The following ITGA8 variants were observed in gnomAD, a reference collection of about 807,000 sequenced individuals.
ITGA8 encodes integrin alpha-8.
A neutral mutation model predicts 142.3 loss-of-function variants in ITGA8; 91 were observed. That is an observed-to-expected ratio of 0.64 (90% confidence interval 0.54 to 0.76). ITGA8 has a LOEUF of 0.76. Among genes scored for constraint, ITGA8 ranks in the 30% least tolerant of loss-of-function variants. The probability of loss-of-function intolerance (pLI) is 0.00; values close to 1 mark genes in which losing one functional copy is unlikely to be tolerated. For missense variants in ITGA8, 1,406 were observed against 1,327.7 expected, an observed-to-expected ratio of 1.06 and a Z score of -0.92; for synonymous variants, 505 against 485.2, an observed-to-expected ratio of 1.04 and a Z score of -0.54.
chr10:15,544,651 G>A (rs115654409), intron 27 of ITGA8, among the ~76,000 whole-genome samples: 1 of 152,156 alleles, frequency 6.6e-6, no homozygotes, highest in Non-Finnish European at 1.5e-5. Context: ...GTTGGCTAAC[G>A]ATCTGTGGTA....
At chr10:15,630,822 C>T (rs751579207) in intron 13 of ITGA8, among the ~76,000 whole-genome samples, 1 of 151,926 alleles carries the variant, frequency 6.6e-6, no homozygotes, top group Non-Finnish European at 1.5e-5. Flanking sequence ...TCCTTATATC[C>T]TATTTTTTAA....
intron 23 of ITGA8, among the ~76,000 whole-genome samples, chr10:15,576,228 G>A (rs1403949073): frequency 6.6e-6 from 1 of 152,054 alleles, no homozygotes; most frequent in East Asian, 1.9e-4. Context: ...TTATAGAGTG[G>A]TCTTATAGAT....
intron 17 of ITGA8, 79 bp from the exon 18 acceptor site, chr10:15,606,501 C>G: frequency 7.5e-7 from 1 of 1,334,530 alleles, no homozygotes; most frequent in Non-Finnish European, 1.0e-6. Context: ...TCAGGCAACA[C>G]TGGAATTTAC....
At chr10:15,691,644 A>T (rs1834936061) in intron 2 of ITGA8, among the ~76,000 whole-genome samples, 1 of 152,174 alleles carries the variant, frequency 6.6e-6, no homozygotes, top group African/African-American at 2.4e-5. Context: ...TGTGGAATCT[A>T]AAAAAGTCAG....
chr10:15,683,935 C>G, intron 4 of ITGA8, 69 bp downstream of exon 4: 1 of 1,575,880 alleles, frequency 6.3e-7, no homozygotes, highest in Non-Finnish European at 8.7e-7. Flanking sequence ...TTTGAGCCTA[C>G]CTGCACTCCT....
chr10:15,571,141 G>C (rs1385838833), intron 25 of ITGA8, among the ~76,000 whole-genome samples: 1 of 152,174 alleles, frequency 6.6e-6, no homozygotes, highest in Non-Finnish European at 1.5e-5. Flanking sequence ...CATAAAGGAG[G>C]AGGCTGTTGT....
At chr10:15,523,391 T>C (rs993161423) in intron 28 of ITGA8, among the ~76,000 whole-genome samples, 1 of 152,200 alleles carries the variant, frequency 6.6e-6, no homozygotes, top group Non-Finnish European at 1.5e-5. Flanking sequence ...TTAGGGTCTT[T>C]TGAAGCAGAG....
At chr10:15,535,024 C>T (rs1446175581) in intron 27 of ITGA8, among the ~76,000 whole-genome samples, 2 of 152,148 alleles carry the variant, frequency 1.3e-5, no homozygotes, top group Non-Finnish European at 2.9e-5. Context: ...GCGGTGCTTG[C>T]GGGCCAGTGT....
chr10:15,671,758 C>T, intron 7 of ITGA8, 111 bp from the exon 8 acceptor site: 1 of 724,584 alleles, frequency 1.4e-6, no homozygotes, highest in Non-Finnish European at 2.3e-6. Flanking sequence ...TTAGAAACCT[C>T]TACAAATATT....
intron 13 of ITGA8, among the ~76,000 whole-genome samples, chr10:15,628,458 G>A (rs1175220114): frequency 2.0e-5 from 3 of 146,776 alleles, no homozygotes; most frequent in African/African-American, 7.6e-5. Flanking sequence ...TCAGCCTCCC[G>A]AGTAGCTGGG....
intron 18 of ITGA8, among the ~76,000 whole-genome samples, chr10:15,606,017 T>C (rs1375873481): frequency 6.6e-6 from 1 of 152,204 alleles, no homozygotes; most frequent in Non-Finnish European, 1.5e-5. Flanking sequence ...AGAATGCAAC[T>C]CTGCCTATGG....
intron 18 of ITGA8, 108 bp from the exon 19 acceptor site, chr10:15,605,899 A>G: frequency 1.1e-6 from 1 of 906,614 alleles, no homozygotes. Flanking sequence ...CTTTCCTCTC[A>G]CTATGCATGA....
At chr10:15,674,334 T>A (rs1472562433) in intron 6 of ITGA8, among the ~76,000 whole-genome samples, 2 of 152,210 alleles carry the variant, frequency 1.3e-5, no homozygotes, top group African/African-American at 4.8e-5. Flanking sequence ...TAAACCTGAA[T>A]AAAATTTTAA....
intron 3 of ITGA8, among the ~76,000 whole-genome samples, chr10:15,686,333 A>C (rs751603720): frequency 6.6e-6 from 1 of 152,190 alleles, no homozygotes; most frequent in East Asian, 1.9e-4. Context: ...AGGTTCCCCA[A>C]GTTATCTGGT....
chr10:15,517,228 C>G lies in ITGA8; in HGVS notation c.3122G>C (p.Arg1041Thr). ...LALWKCGFFD[R>T]ARPPQEDMTD... ...CATGTCCTCCTGAGGAGGTCTGGCT[C>G]TGTCAAAGAATCCACACTATAAAGG... Residue 1041 changes from arginine to threonine, a missense_variant, in exon 30 of 30, where the codon AGA becomes ACA. Arg to Thr is a moderately conservative substitution (Grantham distance 71). Transcript: ENST00000378076. 3.1e-6 allele frequency: 5 copies of G among 1,612,762 alleles called. No individual in the cohort carries two copies. The highest frequency in any genetic ancestry group is 4.2e-6 in the Non-Finnish European group (5 of 1,179,220).
intron 27 of ITGA8, among the ~76,000 whole-genome samples, chr10:15,536,223 C>G (rs1011653385): frequency 5.3e-5 from 8 of 151,186 alleles, no homozygotes; most frequent in African/African-American, 1.7e-4. Flanking sequence ...AACACCACCT[C>G]TCCTAGATCA....
chr10:15,641,994 G>T (rs972815916), intron 13 of ITGA8, among the ~76,000 whole-genome samples: 22 of 152,266 alleles, frequency 1.4e-4, no homozygotes, highest in African/African-American at 5.3e-4. Flanking sequence ...TGAGTGTGGT[G>T]GCACACGCCT....
intron 13 of ITGA8, among the ~76,000 whole-genome samples, chr10:15,621,955 C>T (rs994226107): frequency 3.3e-5 from 5 of 152,034 alleles, no homozygotes; most frequent in East Asian, 1.9e-4. Context: ...GTCAGGAGTT[C>T]GAGACCAGCC....
At chr10:15,546,828 G>A (rs1284159210) in intron 27 of ITGA8, among the ~76,000 whole-genome samples, 1 of 151,332 alleles carries the variant, frequency 6.6e-6, no homozygotes, top group Non-Finnish European at 1.5e-5. Flanking sequence ...GGAAGAAAGG[G>A]AGGGAAGGAA....
Sources: allele counts gnomAD v4.1 joint callset (sites outside exome capture counted in the v4.1 genomes callset), GRCh38; gene constraint gnomAD v4.1.1; transcripts MANE v1.5; gene names NCBI Gene and HGNC (gene_info 2026-07-23, HGNC 2026-07-21).